KCNK13: variants seen among roughly 807,000 people sequenced by gnomAD.
KCNK13 encodes the protein potassium two pore domain channel subfamily K member 13.
KCNK13 carries 12 observed loss-of-function variants against 23.4 expected under a neutral mutation model. That is an observed-to-expected ratio of 0.51 (90% CI 0.33 to 0.83). The LOEUF (loss-of-function observed/expected upper bound fraction) is 0.83, where lower values mean the gene tolerates loss of function less well. KCNK13 is among the 40% of genes least tolerant of loss of function. The pLI, the probability that KCNK13 is intolerant of heterozygous loss-of-function variation, is 0.02. For missense variants in KCNK13, 463 were observed against 556.3 expected (o/e 0.83, Z 1.69); for synonymous variants, 231 against 229.5 (o/e 1.01, Z -0.06).
chr14:90,162,770 AT>A (rs1352793562), intron 1 of KCNK13, among the ~76,000 whole-genome samples: 1 of 152,256 alleles, frequency 6.6e-6, no homozygotes, highest in African/African-American at 2.4e-5. Flanking sequence ...AATAAAAGAA[AT>A]TGATTTACCT....
rs904683100 is a variant in KCNK13 at position 90,176,573 on chromosome 14, C to T, written c.335-7538C>T. 2.6e-5 allele frequency among the ~76,000 whole-genome samples: 4 copies of T among 152,142 alleles called. No individual in the cohort carries two copies. In the South Asian group the frequency reaches 6.2e-4, roughly 24 times the overall value. On this transcript the variant is annotated intron_variant, in intron 1 of 1. Transcript: ENST00000282146. ...CACATGAGAAGGCTTAAACTGTTAGCATCAAAAAGATTGTGGGAAAGTATA... is the reference window on the plus strand; with the variant it reads ...CACATGAGAAGGCTTAAACTGTTAGTATCAAAAAGATTGTGGGAAAGTATA...
chr14:90,174,291 C>G (rs1424023495), intron 1 of KCNK13, among the ~76,000 whole-genome samples: 1 of 152,026 alleles, frequency 6.6e-6, no homozygotes, highest in African/African-American at 2.4e-5. Flanking sequence ...GCCTGGGCAA[C>G]AAGAGCGAGA....
chr14:90,156,454 T>C (rs1402930322), intron 1 of KCNK13, among the ~76,000 whole-genome samples: 1 of 151,834 alleles, frequency 6.6e-6, no homozygotes, highest in East Asian at 1.9e-4. Flanking sequence ...AAAAAAATAA[T>C]TTAGTATGCC....
chr14:90,150,442 G>C (rs1377407278), intron 1 of KCNK13, among the ~76,000 whole-genome samples: 1 of 152,100 alleles, frequency 6.6e-6, no homozygotes. Flanking sequence ...GCGAGACCCT[G>C]TCCAGACAAA....
rs539356573 is a variant in KCNK13, at chr14:90,147,589, G to T, written c.335-36522G>T. ...TTAATGTATAAGATATTTTGAAATT[G>T]ATATATAGTCAAAGTTATTACAATA... On this transcript the variant is annotated intron_variant, in intron 1 of 1. Coordinates refer to ENST00000282146, the MANE Select transcript of KCNK13 (RefSeq NM_022054.4). Among the ~76,000 whole-genome samples, 4 of 152,148 alleles carry T rather than the reference G, an allele frequency of 2.6e-5. No homozygotes were observed. In the South Asian group the frequency reaches 8.3e-4, roughly 32 times the overall value.
intron 1 of KCNK13, among the ~76,000 whole-genome samples, chr14:90,076,503 T>C (rs1444243325): frequency 1.3e-5 from 2 of 152,180 alleles, no homozygotes; most frequent in African/African-American, 4.8e-5. Context: ...GCGTGAACCA[T>C]GTCAGATTGT....
At chr14:90,150,701 C>T (rs76942436) in intron 1 of KCNK13, among the ~76,000 whole-genome samples, 4,540 of 152,234 alleles carry the variant, frequency 0.03, 211 homozygotes, top group African/African-American at 0.1. Context: ...TGTCTCTGCC[C>T]AAATCGCAAG....
chr14:90,113,424 C>T (rs1247031965), intron 1 of KCNK13, among the ~76,000 whole-genome samples: 1 of 152,220 alleles, frequency 6.6e-6, no homozygotes, highest in East Asian at 1.9e-4. Flanking sequence ...CCAATTGAAT[C>T]AAATAGAGTG....
intron 1 of KCNK13, among the ~76,000 whole-genome samples, chr14:90,183,065 T>C (rs1341526183): frequency 1.3e-5 from 2 of 152,170 alleles, no homozygotes; most frequent in African/African-American, 4.8e-5. Context: ...ATCCTGAATG[T>C]ATCATTGCTC....
intron 1 of KCNK13, among the ~76,000 whole-genome samples, chr14:90,112,681 G>A (rs1312526074): frequency 1.3e-5 from 2 of 152,012 alleles, no homozygotes; most frequent in African/African-American, 4.8e-5. Context: ...GCAACAGAAG[G>A]AAAAATGCAC....
chr14:90,101,790 CA>C (rs546423368), intron 1 of KCNK13, among the ~76,000 whole-genome samples: 1,274 of 55,460 alleles, frequency 0.023, 13 homozygotes, highest in African/African-American at 0.077. Context: ...ACTCCGTCTC[CA>C]AAAAAAAAAA....
chr14:90,105,729 T>C (rs1714050406), intron 1 of KCNK13, among the ~76,000 whole-genome samples: 1 of 152,204 alleles, frequency 6.6e-6, no homozygotes, highest in Non-Finnish European at 1.5e-5. Context: ...AGGCAGCAAT[T>C]TGTGTCCAAA....
intron 1 of KCNK13, among the ~76,000 whole-genome samples, chr14:90,142,313 C>CTTTTTTTTT (rs59863610): frequency 1.6e-4 from 14 of 85,250 alleles, no homozygotes; most frequent in Admixed American, 1.8e-4. Flanking sequence ...CTGTCCAATT[C>CTTTTTTTTT]TTTTTTTTTT....
intron 1 of KCNK13, among the ~76,000 whole-genome samples, chr14:90,076,665 T>A (rs927851221): frequency 1.3e-5 from 2 of 152,174 alleles, no homozygotes; most frequent in Non-Finnish European, 2.9e-5. Context: ...GTCAATATTG[T>A]GTAGCAATGA....
intron 1 of KCNK13, among the ~76,000 whole-genome samples, chr14:90,157,236 A>G (rs1890203793): frequency 6.6e-6 from 1 of 152,298 alleles, no homozygotes; most frequent in South Asian, 2.1e-4. Flanking sequence ...TGTATCTACT[A>G]TCTATTGTAA....
intron 1 of KCNK13, among the ~76,000 whole-genome samples, chr14:90,176,557 A>C (rs10148363): frequency 1.3e-5 from 2 of 152,196 alleles, no homozygotes; most frequent in African/African-American, 4.8e-5. Context: ...CCACATGAGA[A>C]GGCTTAAACT....
chr14:90,114,522 C>G (rs970180205), intron 1 of KCNK13, among the ~76,000 whole-genome samples: 2 of 152,198 alleles, frequency 1.3e-5, no homozygotes, highest in African/African-American at 4.8e-5. Context: ...ACTAGAAATT[C>G]CTTCGTTCCT....
intron 1 of KCNK13, among the ~76,000 whole-genome samples, chr14:90,074,865 T>C (rs1254145619): frequency 6.6e-6 from 1 of 152,232 alleles, no homozygotes; most frequent in African/African-American, 2.4e-5. Context: ...ATAATCGTAT[T>C]GCCTTTATTT....
Position 90,180,029 on chromosome 14 carries a change from C to T in KCNK13, c.335-4082C>T, listed in dbSNP as rs150342516. 7.4e-4 allele frequency among the ~76,000 whole-genome samples: 112 copies of T among 152,304 alleles called. No individual in the cohort carries two copies. In the Middle Eastern group the frequency reaches 0.02, roughly 28 times the overall value. ...CTTGGCTAATTTCCTTCCCTCCGTTCTGCTCATGGCTTGTACCTTGACAGT... is the reference window on the plus strand; with the variant it reads ...CTTGGCTAATTTCCTTCCCTCCGTTTTGCTCATGGCTTGTACCTTGACAGT... On this transcript the variant is annotated intron_variant, in intron 1 of 1. Transcript: ENST00000282146.
Sources: gnomAD v4.1 joint callset for allele counts (sites outside exome capture counted in the v4.1 genomes callset) on GRCh38, gnomAD v4.1.1 for gene constraint, MANE v1.5 for transcripts, NCBI Gene and HGNC (gene_info 2026-07-23, HGNC 2026-07-21) for gene names.